RCL1: variants seen among roughly 807,000 people sequenced by gnomAD.
The protein encoded by RCL1 is RNA 3'-terminal phosphate cyclase-like protein.
RCL1 carries 24 observed loss-of-function variants against 42.4 expected under a neutral mutation model. The observed-to-expected ratio is 0.57, with a 90% confidence interval of 0.41 to 0.80. The LOEUF (loss-of-function observed/expected upper bound fraction) is 0.80. RCL1 is among the 30% of genes least tolerant of loss of function. The pLI, the probability that RCL1 is intolerant of heterozygous loss-of-function variation, is 0.00. For missense variants in RCL1, 578 were observed against 467.9 expected, an observed-to-expected ratio of 1.24 and a Z score of -2.17; for synonymous variants, 228 against 177.3, an observed-to-expected ratio of 1.29 and a Z score of -2.27.
At chr9:4,838,854 G>T (rs1391393447) in intron 5 of RCL1, among the ~76,000 whole-genome samples, 1 of 152,210 alleles carries the variant, frequency 6.6e-6, no homozygotes, top group African/African-American at 2.4e-5. Flanking sequence ...CTCTGCTTGG[G>T]ATTTGAATCT....
intron 8 of RCL1, among the ~76,000 whole-genome samples, chr9:4,852,036 C>T (rs368427232): frequency 8.0e-4 from 122 of 152,170 alleles, no homozygotes; most frequent in Middle Eastern, 3.4e-3. Flanking sequence ...CACCCGCCAC[C>T]GTGCCTGGCT....
chr9:4,822,385 G>T (rs1688353525), intron 1 of RCL1, among the ~76,000 whole-genome samples: 1 of 152,222 alleles, frequency 6.6e-6, no homozygotes, highest in Non-Finnish European at 1.5e-5. Context: ...ACTAAGGGGT[G>T]TGTTTGTGTG....
At chr9:4,809,544 G>A (rs1392473552) in intron 1 of RCL1, among the ~76,000 whole-genome samples, 2 of 152,110 alleles carry the variant, frequency 1.3e-5, no homozygotes, top group Admixed American at 1.3e-4. Context: ...TCCTGACCTT[G>A]TGATTCGCCC....
chr9:4,850,501 T>C (rs1817703797), intron 8 of RCL1: 1 of 232,192 alleles, frequency 4.3e-6, no homozygotes, highest in South Asian at 4.8e-5. Context: ...TTCTTTTTTT[T>C]TTTTTTTTTG....
intron 6 of RCL1, among the ~76,000 whole-genome samples, chr9:4,844,036 C>A (rs1817425537): frequency 6.6e-6 from 1 of 152,036 alleles, no homozygotes; most frequent in African/African-American, 2.4e-5. Context: ...CCTTAAGAAT[C>A]TAAGGACTGA....
chr9:4,805,315 G>A (rs1326174045), intron 1 of RCL1, among the ~76,000 whole-genome samples: 1 of 152,144 alleles, frequency 6.6e-6, no homozygotes, highest in Admixed American at 6.5e-5. Context: ...CTTGAGCCTA[G>A]GAGTTCCAGG....
chr9:4,827,285 T>G lies in RCL1; in HGVS notation c.384+252T>G, dbSNP rs777968588. 329 of 1,308,080 alleles carry G rather than the reference T, an allele frequency of 2.5e-4. 2 individuals carry two copies. Among genetic ancestry groups the G allele is most frequent in the Non-Finnish European group, 3.2e-4 (313 of 975,958 alleles). The allele number at this position is 1,308,080 out of a possible 1,614,324, so 81.0% of individuals were successfully genotyped here. On this transcript the variant is annotated intron_variant, in intron 3 of 8. Transcript: ENST00000381750. Reference sequence around the variant, plus strand: ...GTTACCTAAGAACCTTCAAAACAGATGCTCTCCGTCTCATCATAGTTGACA... The same window carrying G: ...GTTACCTAAGAACCTTCAAAACAGAGGCTCTCCGTCTCATCATAGTTGACA...
intron 1 of RCL1, among the ~76,000 whole-genome samples, chr9:4,809,248 C>T (rs976000001): frequency 5.3e-5 from 8 of 152,150 alleles, no homozygotes; most frequent in Non-Finnish European, 1.0e-4. Context: ...TATATCCTAA[C>T]ATTCTTCTGT....
chr9:4,831,895 T>C (rs1471582693), intron 3 of RCL1, among the ~76,000 whole-genome samples: 1 of 152,196 alleles, frequency 6.6e-6, no homozygotes, highest in Non-Finnish European at 1.5e-5. Flanking sequence ...GCCTTAGAGA[T>C]AAGGAAATTC....
At chr9:4,849,599 C>G in intron 8 of RCL1, 49 bp downstream of exon 8, 2 of 1,393,948 alleles carry the variant, frequency 1.4e-6, no homozygotes, top group Non-Finnish European at 2.0e-6. Context: ...GTAATTTTCT[C>G]ATTGCCCAAA....
At position 4,827,438 on chromosome 9, in the gene RCL1, C is replaced by T. The variant is rs115616211; in HGVS notation, c.384+405C>T. 2,179 of 425,654 alleles carry T rather than the reference C, an allele frequency of 5.1e-3. 44 individuals are homozygous for T. The highest frequency in any genetic ancestry group is 0.041 in the African/African-American group (2,021 of 49,724). 26.4% of individuals were successfully genotyped at this position (425,654 alleles called of 1,614,324 possible). A position where few individuals can be genotyped will look rare whatever the true frequency, so the allele number is the denominator to read the frequency against. On this transcript the variant is annotated intron_variant, in intron 3 of 8. Transcript: ENST00000381750. ...TCATAGCTCCTTGGCATTGTTACAG[C>T]GTAATCTTGACTTACCCAGGCTTCA...
chr9:4,801,924 T>C (rs190251683), intron 1 of RCL1, among the ~76,000 whole-genome samples: 1 of 152,150 alleles, frequency 6.6e-6, no homozygotes, highest in Admixed American at 6.5e-5. Flanking sequence ...TTTTTTCTTT[T>C]TTTTTGAGAC....
intron 4 of RCL1, 111 bp from the exon 5 acceptor site, chr9:4,834,030 A>T: frequency 8.4e-7 from 1 of 1,187,182 alleles, no homozygotes; most frequent in Non-Finnish European, 1.2e-6. Context: ...AATATGGAAG[A>T]GCTATGCCTT....
intron 5 of RCL1, among the ~76,000 whole-genome samples, chr9:4,840,198 C>T (rs1451606983): frequency 5.9e-5 from 9 of 152,094 alleles, no homozygotes; most frequent in African/African-American, 1.9e-4. Context: ...TTCTGCAGTT[C>T]AGATGAAAAT....
chr9:4,856,724 G>A (rs7870674), intron 8 of RCL1, among the ~76,000 whole-genome samples: 46,775 of 152,058 alleles, frequency 0.31, 7,393 homozygotes, highest in South Asian at 0.46. Flanking sequence ...TATTTTAAAG[G>A]TCGAGATGAA....
intron 1 of RCL1, among the ~76,000 whole-genome samples, chr9:4,805,715 C>T (rs893991379): frequency 6.6e-6 from 1 of 151,928 alleles, no homozygotes; most frequent in Non-Finnish European, 1.5e-5. Context: ...GCAGTGCATG[C>T]TGGTGGATGG....
rs1842854443 is a variant in RCL1 at position 4,793,057 on chromosome 9, C to T, written c.-35C>T. The T allele has an allele frequency of 1.3e-6, 2 of 1,593,630 alleles. No homozygotes were observed. Among genetic ancestry groups the T allele is most frequent in the Non-Finnish European group, 1.7e-6 (2 of 1,170,054 alleles). ...CCCGCGTCTGTCCGAAGTCGCCGCT[C>T]TCGGGCTGCTCACGTCTCTTCGGAG... On this transcript the variant is annotated 5_prime_UTR_variant, in exon 1 of 9. Transcript: ENST00000381750.
chr9:4,852,441 A>G (rs568175854), intron 8 of RCL1, among the ~76,000 whole-genome samples: 10 of 152,246 alleles, frequency 6.6e-5, no homozygotes, highest in African/African-American at 2.4e-4. Context: ...TTCAGAAATT[A>G]TTTGTGGAAT....
intron 1 of RCL1, among the ~76,000 whole-genome samples, chr9:4,812,652 G>GT (rs958043943): frequency 7.3e-5 from 11 of 150,888 alleles, no homozygotes; most frequent in East Asian, 1.9e-4. Flanking sequence ...TGAATATTAG[G>GT]TTTTTTTTTC....
Sources: gnomAD v4.1 joint callset for allele counts (sites outside exome capture counted in the v4.1 genomes callset) on GRCh38, gnomAD v4.1.1 for gene constraint, MANE v1.5 for transcripts, NCBI Gene and HGNC (gene_info 2026-07-23, HGNC 2026-07-21) for gene names.